SV2C: variants seen among roughly 807,000 people sequenced by gnomAD.
The protein encoded by SV2C is solute carrier family 22 member B3.
SV2C carries 49 observed loss-of-function variants against 79.7 expected under a neutral mutation model. The observed-to-expected ratio is 0.61, with a 90% CI of 0.49 to 0.78. The LOEUF (loss-of-function observed/expected upper bound fraction) is 0.78, where lower values mean the gene tolerates loss of function less well. SV2C is among the 30% of genes least tolerant of loss of function. The pLI, the probability that SV2C is intolerant of heterozygous loss-of-function variation, is 0.00. For missense variants in SV2C, 833 were observed against 912.9 expected (o/e 0.91, Z 1.13); for synonymous variants, 334 against 333.2 (o/e 1.00, Z -0.03).
intron 4 of SV2C, among the ~76,000 whole-genome samples, chr5:76,274,349 C>T (rs1036854993): frequency 2.0e-5 from 3 of 152,150 alleles, no homozygotes; most frequent in African/African-American, 4.8e-5. Flanking sequence ...TAAAAGTCCT[C>T]ATGAGCTTCT....
intron 2 of SV2C, among the ~76,000 whole-genome samples, chr5:76,155,364 C>A (rs188823310): frequency 9.2e-5 from 14 of 152,180 alleles, no homozygotes; most frequent in Admixed American, 8.5e-4. Context: ...GTATTTGAAG[C>A]AAGACCTCCA....
At chr5:76,151,153 T>G (rs1013210678) in intron 2 of SV2C, among the ~76,000 whole-genome samples, 1 of 152,174 alleles carries the variant, frequency 6.6e-6, no homozygotes, top group Non-Finnish European at 1.5e-5. Context: ...GGCTTCAAGT[T>G]GTGGATAGAA....
chr5:76,031,381 G>A, the SV2C span, among the ~76,000 whole-genome samples: 1 of 152,228 alleles, frequency 6.6e-6, no homozygotes, highest in African/African-American at 2.4e-5. Flanking sequence ...CTCTGACTGG[G>A]CTGTCACACG....
At chr5:76,318,150 T>C (rs1023975879) in intron 12 of SV2C, among the ~76,000 whole-genome samples, 8 of 152,208 alleles carry the variant, frequency 5.3e-5, no homozygotes, top group African/African-American at 1.9e-4. Context: ...TCAGATGCAG[T>C]GGCTCATGCC....
At chr5:75,965,259 A>G in the SV2C span, among the ~76,000 whole-genome samples, 2 of 152,276 alleles carry the variant, frequency 1.3e-5, no homozygotes, top group East Asian at 3.9e-4. Context: ...CTAGGATCTC[A>G]CAAAGTGAAC....
chr5:75,930,487 G>A, the SV2C span, among the ~76,000 whole-genome samples: 2 of 152,162 alleles, frequency 1.3e-5, no homozygotes, highest in Non-Finnish European at 2.9e-5. Context: ...TCAGTGACAT[G>A]TTATTTCTTT....
At chr5:75,960,109 A>T in the SV2C span, among the ~76,000 whole-genome samples, 1 of 152,002 alleles carries the variant, frequency 6.6e-6, no homozygotes, top group Admixed American at 6.6e-5. Context: ...TGCTATTTTA[A>T]TATGACCTTG....
intron 2 of SV2C, among the ~76,000 whole-genome samples, chr5:76,147,550 TG>T (rs1465327731): frequency 1.3e-5 from 2 of 152,226 alleles, no homozygotes; most frequent in Non-Finnish European, 2.9e-5. Flanking sequence ...CTCCTCTGTC[TG>T]GATTGCTGAA....
At chr5:76,312,871 G>C (rs1209115856) in intron 12 of SV2C, among the ~76,000 whole-genome samples, 1 of 152,228 alleles carries the variant, frequency 6.6e-6, no homozygotes, top group East Asian at 1.9e-4. Flanking sequence ...AGTGCAGTGG[G>C]ATTGGTCTCT....
chr5:75,910,626 G>A, the SV2C span: 1 of 838,112 alleles, frequency 1.2e-6, no homozygotes, highest in South Asian at 1.3e-5. Flanking sequence ...GATTATGATG[G>A]TGCCCAACAT....
intron 12 of SV2C, among the ~76,000 whole-genome samples, chr5:76,320,658 C>T (rs755807574): frequency 2.0e-5 from 3 of 151,946 alleles, no homozygotes; most frequent in Non-Finnish European, 2.9e-5. Flanking sequence ...GAGGTGGGGA[C>T]GGGGTCATTC....
the SV2C span, among the ~76,000 whole-genome samples, chr5:76,005,142 A>C: frequency 6.6e-6 from 1 of 152,220 alleles, no homozygotes; most frequent in African/African-American, 2.4e-5. Flanking sequence ...CTTGTAGCTA[A>C]TACAATATCA....
At chr5:75,872,394 G>A in the SV2C span, among the ~76,000 whole-genome samples, 1 of 151,822 alleles carries the variant, frequency 6.6e-6, no homozygotes, top group Non-Finnish European at 1.5e-5. Flanking sequence ...CTTACACCAG[G>A]CAAAATGATT....
intron 12 of SV2C, among the ~76,000 whole-genome samples, chr5:76,317,989 A>G (rs1291295386): frequency 6.6e-6 from 1 of 152,088 alleles, no homozygotes; most frequent in East Asian, 1.9e-4. Context: ...TCTTCTTCCT[A>G]GGAGCCTCAA....
chr5:76,109,926 A>C (rs1018249624), intron 1 of SV2C, among the ~76,000 whole-genome samples: 2 of 152,190 alleles, frequency 1.3e-5, no homozygotes, highest in Non-Finnish European at 2.9e-5. Context: ...ACAGTGGTTT[A>C]TGTCTAGGAA....
chr5:76,053,106 A>C, the SV2C span, among the ~76,000 whole-genome samples: 1 of 104,592 alleles, frequency 9.6e-6, no homozygotes, highest in Non-Finnish European at 1.8e-5. Context: ...ATTTTTCAAT[A>C]TGGGCCAAAA....
the SV2C span, among the ~76,000 whole-genome samples, chr5:75,918,743 A>G: frequency 1.8e-3 from 272 of 152,356 alleles, no homozygotes; most frequent in African/African-American, 6.3e-3. Context: ...AGAGTGATAG[A>G]TATCCCAAGT....
chr5:76,054,278 G>T, the SV2C span, among the ~76,000 whole-genome samples: 7 of 152,024 alleles, frequency 4.6e-5, no homozygotes, highest in African/African-American at 1.7e-4. Flanking sequence ...TTTGCTGAGG[G>T]TGATAGTTTC....
At chr5:76,251,952 C>G (rs1746128196) in intron 4 of SV2C, among the ~76,000 whole-genome samples, 1 of 152,226 alleles carries the variant, frequency 6.6e-6, no homozygotes, top group African/African-American at 2.4e-5. Context: ...TCCATTACCT[C>G]ATTCAAGCCT....
Sources: gnomAD v4.1 joint callset for allele counts (sites outside exome capture counted in the v4.1 genomes callset) on GRCh38, gnomAD v4.1.1 for gene constraint, MANE v1.5 for transcripts, NCBI Gene and HGNC (gene_info 2026-07-23, HGNC 2026-07-21) for gene names.